Variants in PPP1R9A observed in about 807,000 individuals in gnomAD.
PPP1R9A encodes the protein neurabin-1.
Under a neutral mutation model 141.9 loss-of-function variants are expected in PPP1R9A, and 59 were observed. The ratio of observed to expected loss-of-function variants is 0.42; its 90% CI spans 0.34 to 0.52. The LOEUF (loss-of-function observed/expected upper bound fraction) is 0.52, where lower values mean the gene tolerates loss of function less well. Ranked by LOEUF, PPP1R9A falls within the 20% of genes least tolerant of loss-of-function variation. PPP1R9A has a pLI of 0.10. For synonymous variants in PPP1R9A, 500 were observed against 569.7 expected (o/e 0.88, Z 1.74); for missense variants, 1,444 against 1,611.9 (o/e 0.90, Z 1.78).
At chr7:95,062,904 G>T (rs1003940769) in intron 2 of PPP1R9A, among the ~76,000 whole-genome samples, 2 of 152,178 alleles carry the variant, frequency 1.3e-5, no homozygotes, top group African/African-American at 4.8e-5. Context: ...GTGGGTGTTA[G>T]ATGGCAGATG....
intron 2 of PPP1R9A, among the ~76,000 whole-genome samples, chr7:95,003,499 C>T (rs553841570): frequency 2.9e-4 from 44 of 152,232 alleles, no homozygotes; most frequent in Middle Eastern, 3.4e-3. Flanking sequence ...GGGGATGCTC[C>T]TTTATTCTGA....
chr7:94,930,311 A>C (rs993342609), intron 2 of PPP1R9A, among the ~76,000 whole-genome samples: 2 of 152,122 alleles, frequency 1.3e-5, no homozygotes, highest in African/African-American at 4.8e-5. Context: ...GATTAGAAAG[A>C]TTTTAAGAAG....
At chr7:94,981,031 T>A (rs1309087140) in intron 2 of PPP1R9A, among the ~76,000 whole-genome samples, 1 of 152,152 alleles carries the variant, frequency 6.6e-6, no homozygotes, top group Non-Finnish European at 1.5e-5. Context: ...GAATAAATAT[T>A]TGTAAATTGC....
intron 2 of PPP1R9A, among the ~76,000 whole-genome samples, chr7:95,092,117 T>C (rs77460183): frequency 5.9e-4 from 90 of 152,342 alleles, no homozygotes; most frequent in Non-Finnish European, 1.1e-3. Flanking sequence ...TTGAACAGAA[T>C]TGAAGGAAAA....
At chr7:95,283,672 C>T (rs1161673521) in intron 16 of PPP1R9A, among the ~76,000 whole-genome samples, 1 of 152,178 alleles carries the variant, frequency 6.6e-6, no homozygotes, top group Non-Finnish European at 1.5e-5. Flanking sequence ...TGAGGCATGT[C>T]ACCCAGATAA....
rs927048149 is a variant in PPP1R9A at position 94,932,116 on chromosome 7, G to C, written c.1395+20608G>C. On this transcript the variant is annotated intron_variant, in intron 2 of 19. Coordinates refer to ENST00000433360, the MANE Select transcript of PPP1R9A (RefSeq NM_001166160.2). ...CTGTTATATAGATAAATTGGCAAGT[G>C]GTTGTGATTGAGCCTTTCCACCTTA... 2.1e-4 allele frequency among the ~76,000 whole-genome samples: 32 copies of C among 152,186 alleles called. 1 individual carries two copies.
At chr7:95,209,014 T>TAAGCAACTG (rs1791518030) in intron 7 of PPP1R9A, among the ~76,000 whole-genome samples, 1 of 121,756 alleles carries the variant, frequency 8.2e-6, no homozygotes, top group South Asian at 2.5e-4. Context: ...TCCAGAAGAG[T>TAAGCAACTG]AAGCAACTGA....
At chr7:94,929,142 A>T (rs1463458770) in intron 2 of PPP1R9A, among the ~76,000 whole-genome samples, 4 of 152,226 alleles carry the variant, frequency 2.6e-5, no homozygotes, top group African/African-American at 9.6e-5. Context: ...ACAAATTCTT[A>T]GTCTAAATTG....
intron 2 of PPP1R9A, among the ~76,000 whole-genome samples, chr7:94,934,786 T>C (rs1461532707): frequency 1.7e-5 from 2 of 120,848 alleles, no homozygotes. Flanking sequence ...GTTAAAAGCT[T>C]TTATCAAATG....
chr7:94,973,633 A>G (rs990313162), intron 2 of PPP1R9A, among the ~76,000 whole-genome samples: 3 of 152,164 alleles, frequency 2.0e-5, no homozygotes, highest in Non-Finnish European at 4.4e-5. Flanking sequence ...AATTAGGAAG[A>G]TGACCTTTAT....
At chr7:95,204,681 A>G (rs1016342639) in intron 7 of PPP1R9A, among the ~76,000 whole-genome samples, 3 of 141,542 alleles carry the variant, frequency 2.1e-5, no homozygotes, top group African/African-American at 8.6e-5. Flanking sequence ...CACCACACAC[A>G]CACCACACAT....
chr7:95,148,812 C>T (rs1304812244), intron 4 of PPP1R9A, among the ~76,000 whole-genome samples: 1 of 152,042 alleles, frequency 6.6e-6, no homozygotes, highest in African/African-American at 2.4e-5. Flanking sequence ...CCTATCTCTT[C>T]CAGAATATAA....
At chr7:95,041,231 G>GA (rs1809187171) in intron 2 of PPP1R9A, among the ~76,000 whole-genome samples, 1 of 152,116 alleles carries the variant, frequency 6.6e-6, no homozygotes, top group Non-Finnish European at 1.5e-5. Context: ...ATTAGTAGAC[G>GA]AATCTCAAAA....
At chr7:95,198,571 G>T in intron 6 of PPP1R9A, 87 bp downstream of exon 6, 1 of 1,389,984 alleles carries the variant, frequency 7.2e-7, no homozygotes, top group African/African-American at 1.5e-5. Flanking sequence ...CAGGTTTTAT[G>T]CAGTTTCTTG....
In PPP1R9A at chr7:95,077,516, T is replaced by C. The variant is rs545487999; in HGVS notation, c.1396-33743T>C. 5.9e-5 allele frequency among the ~76,000 whole-genome samples: 9 copies of C among 152,246 alleles called. No homozygotes were observed. The South Asian group carries it at 1.9e-3, about 32-fold the overall frequency. ...TTAAGAGTGAATGCACATTAAAGGA[T>C]TTCTTTCCATAGTATAATATGAGGG... On this transcript the variant is annotated intron_variant, in intron 2 of 19. Coordinates refer to ENST00000433360, the MANE Select transcript of PPP1R9A (RefSeq NM_001166160.2).
intron 7 of PPP1R9A, among the ~76,000 whole-genome samples, chr7:95,207,457 C>T (rs932330357): frequency 6.6e-6 from 1 of 152,022 alleles, no homozygotes; most frequent in African/African-American, 2.4e-5. Flanking sequence ...AGAAAGAAAA[C>T]TTATAGGTCC....
chr7:94,990,430 T>C (rs1291260953), intron 2 of PPP1R9A, among the ~76,000 whole-genome samples: 1 of 152,128 alleles, frequency 6.6e-6, no homozygotes, highest in Non-Finnish European at 1.5e-5. Context: ...CTCTCATTTT[T>C]CTTTTTTTTA....
intron 2 of PPP1R9A, among the ~76,000 whole-genome samples, chr7:95,017,643 G>A (rs186906805): frequency 6.6e-6 from 1 of 152,140 alleles, no homozygotes; most frequent in East Asian, 1.9e-4. Context: ...AAAGGACCTG[G>A]AATAACCAAA....
At chr7:95,060,449 A>T (rs1402502880) in intron 2 of PPP1R9A, among the ~76,000 whole-genome samples, 1 of 152,216 alleles carries the variant, frequency 6.6e-6, no homozygotes, top group Non-Finnish European at 1.5e-5. Context: ...ATGTAAAAGA[A>T]AGGTGAAGTG....
Sources: gnomAD v4.1 joint callset for allele counts (sites outside exome capture counted in the v4.1 genomes callset) on GRCh38, gnomAD v4.1.1 for gene constraint, MANE v1.5 for transcripts, NCBI Gene and HGNC (gene_info 2026-07-23, HGNC 2026-07-21) for gene names.